OR9Q1: variants seen among roughly 807,000 people sequenced by gnomAD.
The protein encoded by OR9Q1 is olfactory receptor 9Q1.
For missense variants in OR9Q1, 374 were observed against 378.8 expected (o/e 0.99, Z 0.11); for synonymous variants, 153 against 148.6 (o/e 1.03, Z -0.22).
At chr11:58,118,054 TA>T (rs1853976033) in intron 2 of OR9Q1, 1 of 154,286 alleles carries the variant, frequency 6.5e-6, no homozygotes, top group South Asian at 2.0e-4. Flanking sequence ...TCCTTCATAT[TA>T]AAAGAAAAAA....
In OR9Q1 at chr11:58,082,741, T is replaced by TATAATAATAATA. The variant is rs200062407; in HGVS notation, c.-15+26814_-15+26825dup. On this transcript the variant is annotated intron_variant, in intron 2 of 2. Coordinates refer to ENST00000335397, the MANE Select transcript of OR9Q1 (RefSeq NM_001005212.4). ...TGCACATGTACCCTAAAACTTAAAG[T>TATAATAATAATA]ATAATAATAATAATAATAATAATAA... Among the ~76,000 whole-genome samples the TATAATAATAATA allele has an allele frequency of 8.0e-5, 10 of 125,496 alleles. No homozygotes were observed. The East Asian group carries it at 2.5e-3, about 31-fold the overall frequency. 82.3% of individuals were successfully genotyped at this position (125,496 alleles called of 152,430 possible).
At chr11:58,041,484 G>C (rs1468664346) in intron 1 of OR9Q1, 1 of 153,658 alleles carries the variant, frequency 6.5e-6, no homozygotes, top group Non-Finnish European at 1.4e-5. Context: ...TGTTGGCTCG[G>C]ATGATGGGAG....
chr11:58,167,005 C>T (rs529041052), intron 2 of OR9Q1, among the ~76,000 whole-genome samples: 19 of 150,586 alleles, frequency 1.3e-4, no homozygotes, highest in Middle Eastern at 3.4e-3. Context: ...ATCATCTACC[C>T]GTTTCCCACT....
chr11:58,090,247 G>T (rs1016310305), intron 2 of OR9Q1, among the ~76,000 whole-genome samples: 108 of 152,166 alleles, frequency 7.1e-4, no homozygotes, highest in African/African-American at 2.6e-3. Flanking sequence ...GAATGCTTCC[G>T]GCTTTTGCCC....
At chr11:58,122,616 G>T (rs1366979254) in intron 2 of OR9Q1, among the ~76,000 whole-genome samples, 1 of 152,006 alleles carries the variant, frequency 6.6e-6, no homozygotes, top group Non-Finnish European at 1.5e-5. Context: ...TAATATTTTG[G>T]GGCCTTAGGT....
chr11:58,031,497 C>A (rs930512006), intron 1 of OR9Q1: 2 of 1,614,170 alleles, frequency 1.2e-6, no homozygotes, highest in Non-Finnish European at 1.7e-6. Flanking sequence ...GACCATTTCT[C>A]CTGTGATGCC....
At chr11:58,087,280 AC>A (rs1222743092) in intron 2 of OR9Q1, among the ~76,000 whole-genome samples, 3 of 151,714 alleles carry the variant, frequency 2.0e-5, no homozygotes, top group Admixed American at 2.0e-4. Flanking sequence ...AATCTCTGAA[AC>A]CTCTCTTGTG....
Position 58,180,733 on chromosome 11 carries a change from G to A in OR9Q1, c.*356G>A, listed in dbSNP as rs1854657568. ...ATAGAAATGTTAAAAATAATATGTA[G>A]GAAGTTTCCTATACTCAGTACTGAG... On this transcript the variant is annotated 3_prime_UTR_variant, in exon 3 of 3. Transcript: ENST00000335397. The A allele has an allele frequency of 5.4e-6, 1 of 185,866 alleles. No individual in the cohort carries two copies. The highest frequency in any genetic ancestry group is 1.6e-4 in the East Asian group (1 of 6,078). The allele number at this position is 185,866 out of a possible 1,614,324, so 11.5% of individuals were successfully genotyped here. A position where few individuals can be genotyped will look rare whatever the true frequency, so the allele number is the denominator to read the frequency against.
chr11:58,096,490 G>T (rs1409079506), intron 2 of OR9Q1, among the ~76,000 whole-genome samples: 3 of 151,886 alleles, frequency 2.0e-5, no homozygotes, highest in Non-Finnish European at 4.4e-5. Context: ...TCTTGTGTTT[G>T]GATTCTTTCT....
chr11:58,140,029 A>G (rs1319016417), intron 2 of OR9Q1, among the ~76,000 whole-genome samples: 2 of 152,190 alleles, frequency 1.3e-5, no homozygotes, highest in Middle Eastern at 6.8e-3. Flanking sequence ...CATTTCTCTG[A>G]TGGCCAATGA....
At chr11:58,133,677 C>T (rs1854163928) in intron 2 of OR9Q1, among the ~76,000 whole-genome samples, 2 of 152,140 alleles carry the variant, frequency 1.3e-5, no homozygotes, top group Non-Finnish European at 2.9e-5. Context: ...AGGCTATTTA[C>T]ATGTAATTAG....
Position 58,129,214 on chromosome 11 carries a change from C to T in OR9Q1, c.-14-50217C>T, listed in dbSNP as rs545397762. On this transcript the variant is annotated intron_variant, in intron 2 of 2. Transcript: ENST00000335397. ...CCACAACGTCCGATTAAACCAACCACAAAGGGCCAGGCAGAGCAATTCGTG... is the reference window on the plus strand; with the variant it reads ...CCACAACGTCCGATTAAACCAACCATAAAGGGCCAGGCAGAGCAATTCGTG... 4.0e-5 allele frequency among the ~76,000 whole-genome samples: 6 copies of T among 151,148 alleles called. No individual in the cohort carries two copies. The East Asian group carries it at 1.2e-3, about 29-fold the overall frequency.
At chr11:58,094,573 A>G (rs1000017314) in intron 2 of OR9Q1, among the ~76,000 whole-genome samples, 19 of 152,164 alleles carry the variant, frequency 1.2e-4, no homozygotes, top group African/African-American at 4.3e-4. Context: ...CTTTACTTTG[A>G]ATTGAATGCA....
At chr11:58,056,853 C>T (rs1369710768) in intron 2 of OR9Q1, among the ~76,000 whole-genome samples, 1 of 152,176 alleles carries the variant, frequency 6.6e-6, no homozygotes, top group Non-Finnish European at 1.5e-5. Context: ...CCAAGCCTCT[C>T]ACTGCCTGAA....
At chr11:58,108,239 T>C (rs1457436955) in intron 2 of OR9Q1, among the ~76,000 whole-genome samples, 1 of 152,210 alleles carries the variant, frequency 6.6e-6, no homozygotes, top group African/African-American at 2.4e-5. Flanking sequence ...AGTGAGTTGG[T>C]AGGTTATCCA....
intron 2 of OR9Q1, among the ~76,000 whole-genome samples, chr11:58,159,346 G>C (rs1160040204): frequency 2.6e-5 from 4 of 152,170 alleles, no homozygotes; most frequent in Admixed American, 6.5e-5. Flanking sequence ...GTTGCTTCTT[G>C]CAGGGTTTTG....
intron 2 of OR9Q1, among the ~76,000 whole-genome samples, chr11:58,162,558 C>T (rs928591385): frequency 6.6e-5 from 10 of 152,124 alleles, no homozygotes; most frequent in African/African-American, 1.7e-4. Context: ...TATTTTCTGA[C>T]GCTGTAAAGA....
intron 2 of OR9Q1, among the ~76,000 whole-genome samples, chr11:58,152,420 G>A (rs917565692): frequency 4.6e-5 from 7 of 152,084 alleles, no homozygotes; most frequent in Admixed American, 3.9e-4. Flanking sequence ...GACAGCACTT[G>A]GGAGCATTTG....
At chr11:58,141,714 A>C (rs1328937425) in intron 2 of OR9Q1, among the ~76,000 whole-genome samples, 4 of 152,144 alleles carry the variant, frequency 2.6e-5, no homozygotes, top group Non-Finnish European at 4.4e-5. Context: ...ACTTGAGGTC[A>C]AGTAACTTGT....
Sources: allele counts gnomAD v4.1 joint callset (sites outside exome capture counted in the v4.1 genomes callset), GRCh38; gene constraint gnomAD v4.1.1; transcripts MANE v1.5; gene names NCBI Gene and HGNC (gene_info 2026-07-23, HGNC 2026-07-21).